Variants in CSMD3 observed in about 807,000 individuals in gnomAD.
CSMD3 encodes the protein CUB and sushi domain-containing protein 3.
A neutral mutation model predicts 435.2 loss-of-function variants in CSMD3; 177 were observed. The observed-to-expected ratio is 0.41, with a 90% CI of 0.36 to 0.46. CSMD3 has a LOEUF of 0.46. CSMD3 is among the 20% of genes least tolerant of loss of function. The pLI is 0.34. For missense variants in CSMD3, 4,265 were observed against 4,504.6 expected, an observed-to-expected ratio of 0.95 and a Z score of 1.52; for synonymous variants, 1,656 against 1,520.5, an observed-to-expected ratio of 1.09 and a Z score of -2.07.
chr8:113,139,495 T>A (rs780660011), intron 4 of CSMD3, among the ~76,000 whole-genome samples: 1 of 150,934 alleles, frequency 6.6e-6, no homozygotes, highest in Non-Finnish European at 1.5e-5. Flanking sequence ...ATATATAATA[T>A]ATGTTTTTAT....
intron 13 of CSMD3, among the ~76,000 whole-genome samples, chr8:112,698,119 G>C (rs1268984275): frequency 6.6e-6 from 1 of 151,982 alleles, no homozygotes; most frequent in South Asian, 2.1e-4. Flanking sequence ...TAAAAAGGCA[G>C]CCGGTAAGGT....
At chr8:112,932,198 T>C (rs1178750698) in intron 9 of CSMD3, among the ~76,000 whole-genome samples, 1 of 152,198 alleles carries the variant, frequency 6.6e-6, no homozygotes, top group East Asian at 1.9e-4. Flanking sequence ...AATCTAAGTG[T>C]CTATCAGCAG....
At chr8:112,685,371 T>A in intron 15 of CSMD3, 35 bp downstream of exon 15, 1 of 1,540,306 alleles carries the variant, frequency 6.5e-7, no homozygotes, top group South Asian at 1.1e-5. Context: ...TATAGAAATA[T>A]ATTATATGGG....
chr8:112,343,017 T>TTATA (rs1231941595), intron 41 of CSMD3, among the ~76,000 whole-genome samples: 27 of 52,546 alleles, frequency 5.1e-4, no homozygotes, highest in African/African-American at 1.0e-3. Flanking sequence ...ATATATATAT[T>TTATA]TATATATATA....
At chr8:112,748,705 A>G (rs1246616037) in intron 13 of CSMD3, among the ~76,000 whole-genome samples, 2 of 152,120 alleles carry the variant, frequency 1.3e-5, no homozygotes, top group Non-Finnish European at 2.9e-5. Context: ...ATTGCAAGGT[A>G]TATATGTACC....
At chr8:113,196,355 G>A (rs1236325140) in intron 3 of CSMD3, among the ~76,000 whole-genome samples, 1 of 151,168 alleles carries the variant, frequency 6.6e-6, no homozygotes, top group Non-Finnish European at 1.5e-5. Context: ...CAAAGCCAGA[G>A]GTATGAATAC....
At chr8:113,327,209 C>T (rs904656556) in intron 1 of CSMD3, among the ~76,000 whole-genome samples, 2 of 152,100 alleles carry the variant, frequency 1.3e-5, no homozygotes, top group Non-Finnish European at 2.9e-5. Context: ...ATATTAATTA[C>T]ACTTTCTCAT....
chr8:112,610,029 G>C (rs2131462898), intron 22 of CSMD3, among the ~76,000 whole-genome samples: 1 of 152,206 alleles, frequency 6.6e-6, no homozygotes, highest in East Asian at 1.9e-4. Flanking sequence ...AGGGGAAATG[G>C]TGAGATGTCG....
intron 38 of CSMD3, among the ~76,000 whole-genome samples, chr8:112,370,730 A>G (rs533901834): frequency 1.3e-5 from 2 of 151,732 alleles, no homozygotes; most frequent in African/African-American, 4.8e-5. Context: ...CTCTCCATCT[A>G]TTTTTTTCTA....
At position 112,319,881 on chromosome 8, in the gene CSMD3, A is replaced by C; in HGVS notation, c.7246+20T>G. On this transcript the variant is annotated intron_variant, in intron 46 of 70. Coordinates refer to ENST00000297405, the MANE Select transcript of CSMD3 (RefSeq NM_198123.2). ...TCTGCCAGCAGTATGTTTTCCTTGA[A>C]AATAATTTAACAGCTTTACCTATTT... 1.3e-6 allele frequency: 2 copies of C among 1,563,308 alleles called. No homozygotes were observed. The highest frequency in any genetic ancestry group is 1.8e-6 in the Non-Finnish European group (2 of 1,133,862).
chr8:112,771,727 A>G (rs1232463943), intron 13 of CSMD3, among the ~76,000 whole-genome samples: 1 of 152,018 alleles, frequency 6.6e-6, no homozygotes, highest in Non-Finnish European at 1.5e-5. Context: ...AGGAAACAAC[A>G]ATGTGTCTTA....
chr8:112,703,244 C>T (rs1360507267), intron 13 of CSMD3, among the ~76,000 whole-genome samples: 1 of 152,084 alleles, frequency 6.6e-6, no homozygotes, highest in African/African-American at 2.4e-5. Context: ...GAGAGTAGCA[C>T]ATGATTCTGC....
chr8:113,136,848 TATA>T (rs1357702536), intron 4 of CSMD3, among the ~76,000 whole-genome samples: 4 of 151,594 alleles, frequency 2.6e-5, no homozygotes, highest in Non-Finnish European at 5.9e-5. Context: ...TTTTATAGAA[TATA>T]ATATTAGGTT....
At chr8:112,385,862 T>A (rs17640016) in intron 36 of CSMD3, among the ~76,000 whole-genome samples, 28,079 of 152,138 alleles carry the variant, frequency 0.18, 3,103 homozygotes, top group Middle Eastern at 0.34. Context: ...TACTTCTGGA[T>A]ACATGTGTCT....
chr8:112,905,339 C>CACACACAT (rs1564088399), intron 10 of CSMD3, among the ~76,000 whole-genome samples: 9 of 150,236 alleles, frequency 6.0e-5, no homozygotes, highest in African/African-American at 2.2e-4. Flanking sequence ...CACACACACA[C>CACACACAT]ATATATATCA....
chr8:113,031,642 C>T (rs1478368212), intron 5 of CSMD3, among the ~76,000 whole-genome samples: 1 of 151,586 alleles, frequency 6.6e-6, no homozygotes, highest in African/African-American at 2.4e-5. Context: ...TGCACACTCA[C>T]AATAAATGCC....
At chr8:113,127,905 T>C (rs1275264316) in intron 4 of CSMD3, among the ~76,000 whole-genome samples, 2 of 152,048 alleles carry the variant, frequency 1.3e-5, no homozygotes, top group Non-Finnish European at 2.9e-5. Flanking sequence ...TTTCATTTAG[T>C]CAAACACTTC....
intron 14 of CSMD3, among the ~76,000 whole-genome samples, chr8:112,689,527 C>T (rs932657752): frequency 6.6e-6 from 1 of 151,870 alleles, no homozygotes; most frequent in African/African-American, 2.4e-5. Flanking sequence ...TAAACATATA[C>T]TATCTTATTA....
intron 5 of CSMD3, among the ~76,000 whole-genome samples, chr8:113,068,341 C>G (rs2088953031): frequency 6.6e-6 from 1 of 152,026 alleles, no homozygotes; most frequent in Non-Finnish European, 1.5e-5. Flanking sequence ...ACCTTATATT[C>G]CAATGAGATG....
Sources: allele counts gnomAD v4.1 joint callset (sites outside exome capture counted in the v4.1 genomes callset), GRCh38; gene constraint gnomAD v4.1.1; transcripts MANE v1.5; gene names NCBI Gene and HGNC (gene_info 2026-07-23, HGNC 2026-07-21).